The following NRP2 variants were observed in gnomAD, a reference collection of about 807,000 sequenced individuals.
NRP2 encodes the protein neuropilin-2.
In NRP2, 52 loss-of-function variants were observed where a neutral mutation model predicts 110.4. The ratio of observed to expected loss-of-function variants is 0.47; its 90% confidence interval spans 0.38 to 0.59. The LOEUF is 0.59. Among genes scored for constraint, NRP2 ranks in the 20% least tolerant of loss-of-function variants. The probability of loss-of-function intolerance (pLI) is 0.00; values close to 1 mark genes in which losing one functional copy is unlikely to be tolerated. For missense variants in NRP2, 1,049 were observed against 1,203.0 expected (o/e 0.87, Z 1.89); for synonymous variants, 508 against 468.9 (o/e 1.08, Z -1.08).
At chr2:205,718,711 G>A (rs937091981) in intron 3 of NRP2, among the ~76,000 whole-genome samples, 13 of 152,176 alleles carry the variant, frequency 8.5e-5, no homozygotes, top group Non-Finnish European at 1.6e-4. Flanking sequence ...GGAGGTTGTG[G>A]CAGGCGGATC....
chr2:205,715,680 C>T (rs1030037009), intron 2 of NRP2, among the ~76,000 whole-genome samples: 2 of 152,132 alleles, frequency 1.3e-5, no homozygotes, highest in Non-Finnish European at 1.5e-5. Flanking sequence ...GTCTCTGAAA[C>T]ATCCCCCGTG....
Position 205,745,876 on chromosome 2 carries a change from GCTGTGACTGGA to G in NRP2, c.1774_1784del (p.Cys592ArgfsTer38). 1 of 1,614,214 alleles carries G rather than the reference GCTGTGACTGGA, an allele frequency of 6.2e-7. No individual in the cohort carries two copies. Among genetic ancestry groups the G allele is most frequent in the Non-Finnish European group, 8.5e-7 (1 of 1,180,032 alleles). On this transcript the variant is annotated frameshift_variant, in exon 10 of 17. Transcript: ENST00000357785. LOFTEE classifies it high-confidence loss of function. Reference sequence around the variant, plus strand: ...ATTGGGATGCGGCTGGAGGTGCTGGGCTGTGACTGGACAGGTAAGATGACATTTCCTCCTCT... The same window carrying G: ...ATTGGGATGCGGCTGGAGGTGCTGGGCAGGTAAGATGACATTTCCTCCTCT...
Position 205,792,242 on chromosome 2 carries a change from C to T in NRP2, c.2433C>T (p.Ile811=), listed in dbSNP as rs759614203. The T allele has an allele frequency of 7.6e-6, 12 of 1,589,020 alleles. No individual in the cohort carries two copies. Among genetic ancestry groups the T allele is most frequent in the Non-Finnish European group, 1.0e-5 (12 of 1,157,324 alleles). ...ATTTTCTTTATATTATAGTGGACAT[C>T]CCAGAAATACATGAGAGAGAAGGAT... The part of the protein sequence containing the change: ...MEPISAFAVD[I]PEIHEREGYE... The change falls in exon 16 of 17, where the codon ATC becomes ATT. Residue 811 remains isoleucine (I), a synonymous_variant. Coordinates refer to ENST00000357785, the MANE Select transcript of NRP2 (RefSeq NM_003872.3).
intron 3 of NRP2, among the ~76,000 whole-genome samples, chr2:205,718,748 C>T (rs1055261227): frequency 6.6e-6 from 1 of 152,072 alleles, no homozygotes; most frequent in Non-Finnish European, 1.5e-5. Flanking sequence ...TTGACACCAG[C>T]CTGGCCAACA....
intron 2 of NRP2, among the ~76,000 whole-genome samples, chr2:205,715,432 G>A (rs2056875393): frequency 6.6e-6 from 1 of 152,130 alleles, no homozygotes; most frequent in South Asian, 2.1e-4. Context: ...GTAGACAGTG[G>A]GCCCCTGGAG....
At chr2:205,710,949 G>A (rs1210370630) in intron 2 of NRP2, among the ~76,000 whole-genome samples, 4 of 152,180 alleles carry the variant, frequency 2.6e-5, no homozygotes, top group African/African-American at 9.7e-5. Context: ...TTTGTTTGCC[G>A]CTAATAGTGA....
chr2:205,683,280 C>T lies in NRP2; in HGVS notation c.-11C>T. The stretch of plus-strand genomic sequence containing the variant: ...ACGAACCCAGCTCTGGAAAGAGCCA[C>T]CTTCTCCAAAATGGATATGTTTCCT... On this transcript the variant is annotated 5_prime_UTR_variant, in exon 1 of 17. Transcript: ENST00000357785. The T allele has an allele frequency of 1.2e-6, 2 of 1,609,630 alleles. No individual in the cohort carries two copies. Among genetic ancestry groups the T allele is most frequent in the Non-Finnish European group, 1.7e-6 (2 of 1,176,176 alleles).
intron 1 of NRP2, among the ~76,000 whole-genome samples, chr2:205,687,275 G>C (rs1255321461): frequency 6.6e-6 from 1 of 152,178 alleles, no homozygotes; most frequent in Non-Finnish European, 1.5e-5. Flanking sequence ...CCGGATAAGG[G>C]TTTGAAGTGT....
At chr2:205,751,434 G>T (rs1216109961) in intron 11 of NRP2, among the ~76,000 whole-genome samples, 2 of 152,026 alleles carry the variant, frequency 1.3e-5, no homozygotes, top group Non-Finnish European at 2.9e-5. Context: ...TCGTATTTTT[G>T]AAGAGAAAAA....
At chr2:205,771,604 G>A (rs2058024828) in intron 15 of NRP2, among the ~76,000 whole-genome samples, 1 of 152,196 alleles carries the variant, frequency 6.6e-6, no homozygotes, top group Admixed American at 6.5e-5. Context: ...ATTTCATAAA[G>A]CAGCTATAGT....
chr2:205,714,540 C>A (rs978599414), intron 2 of NRP2, among the ~76,000 whole-genome samples: 1 of 152,166 alleles, frequency 6.6e-6, no homozygotes, highest in Non-Finnish European at 1.5e-5. Context: ...ACAAATGAAG[C>A]GTCTTTTTAC....
At chr2:205,783,019 C>G (rs1575677978) in intron 15 of NRP2, among the ~76,000 whole-genome samples, 1 of 152,254 alleles carries the variant, frequency 6.6e-6, no homozygotes, top group East Asian at 1.9e-4. Context: ...TAAAATTAAC[C>G]TGTCCCTGCT....
chr2:205,755,937 A>G (rs1034716501), intron 12 of NRP2, among the ~76,000 whole-genome samples: 7 of 152,110 alleles, frequency 4.6e-5, no homozygotes, highest in African/African-American at 1.7e-4. Flanking sequence ...GAAGTACCCA[A>G]CACGGGCCCT....
intron 15 of NRP2, chr2:205,776,391 C>T: frequency 6.2e-7 from 1 of 1,613,518 alleles, no homozygotes; most frequent in Non-Finnish European, 8.5e-7. Flanking sequence ...TCCACTACCA[C>T]CGGTTCCGCT....
intron 1 of NRP2, among the ~76,000 whole-genome samples, chr2:205,694,510 A>G (rs2056381430): frequency 6.6e-6 from 1 of 152,220 alleles, no homozygotes; most frequent in Non-Finnish European, 1.5e-5. Context: ...TAGTTGCAGA[A>G]TGAAGTCTTT....
chr2:205,711,246 G>A, intron 2 of NRP2, among the ~76,000 whole-genome samples: 1 of 152,236 alleles, frequency 6.6e-6, no homozygotes, highest in Non-Finnish European at 1.5e-5. Flanking sequence ...CACCAGGGAA[G>A]TGTCGTAAAT....
At chr2:205,704,822 C>G (rs2056642179) in intron 2 of NRP2, among the ~76,000 whole-genome samples, 1 of 152,166 alleles carries the variant, frequency 6.6e-6, no homozygotes, top group African/African-American at 2.4e-5. Flanking sequence ...CTTGTTCTGC[C>G]TCTCCACCCT....
chr2:205,709,028 A>G (rs1235695656), intron 2 of NRP2, among the ~76,000 whole-genome samples: 2 of 152,220 alleles, frequency 1.3e-5, no homozygotes, highest in African/African-American at 4.8e-5. Context: ...TGTGCCATAC[A>G]CTGTGCTGAC....
intron 3 of NRP2, chr2:205,722,217 C>T (rs991853659): frequency 2.5e-5 from 13 of 512,632 alleles, no homozygotes; most frequent in African/African-American, 2.5e-4. Flanking sequence ...ACACACTTCT[C>T]TGTACCTCCA....
Sources: gnomAD v4.1 joint callset for allele counts (sites outside exome capture counted in the v4.1 genomes callset) on GRCh38, gnomAD v4.1.1 for gene constraint, MANE v1.5 for transcripts, NCBI Gene and HGNC (gene_info 2026-07-23, HGNC 2026-07-21) for gene names.